Variants in FGF5 observed in about 807,000 individuals in gnomAD.
FGF5 encodes fibroblast growth factor 5.
A neutral mutation model predicts 21.8 loss-of-function variants in FGF5; 23 were observed. That is an observed-to-expected ratio of 1.05 (90% CI 0.76 to 1.49). The LOEUF (loss-of-function observed/expected upper bound fraction) is 1.49. FGF5 is among the 40% of genes most tolerant of loss of function. The pLI is 0.00. For synonymous variants in FGF5, 158 were observed against 124.0 expected (o/e 1.27, Z -1.82); for missense variants, 352 against 332.9 (o/e 1.06, Z -0.45).
At chr4:80,277,931 T>C (rs1010941173) in intron 2 of FGF5, among the ~76,000 whole-genome samples, 1 of 152,140 alleles carries the variant, frequency 6.6e-6, no homozygotes, top group African/African-American at 2.4e-5. Flanking sequence ...TGTACTTTCA[T>C]AGTTCTTTAA....
chr4:80,273,771 C>T (rs1013164929), intron 1 of FGF5, among the ~76,000 whole-genome samples: 3 of 151,896 alleles, frequency 2.0e-5, no homozygotes, highest in Non-Finnish European at 2.9e-5. Context: ...TCTTGAACTC[C>T]TGGTATCAGG....
intron 2 of FGF5, among the ~76,000 whole-genome samples, chr4:80,284,103 G>C (rs1720641508): frequency 6.6e-6 from 1 of 152,178 alleles, no homozygotes; most frequent in Non-Finnish European, 1.5e-5. Context: ...CGTAGACAGG[G>C]TGAAAGGGAT....
intron 2 of FGF5, among the ~76,000 whole-genome samples, chr4:80,276,374 T>C (rs1257435365): frequency 6.6e-6 from 1 of 152,138 alleles, no homozygotes; most frequent in Non-Finnish European, 1.5e-5. Flanking sequence ...TTTGAGCTGG[T>C]TACTATACTC....
intron 2 of FGF5, among the ~76,000 whole-genome samples, chr4:80,285,889 T>C (rs1236745173): frequency 1.3e-5 from 2 of 152,200 alleles, no homozygotes; most frequent in Non-Finnish European, 2.9e-5. Context: ...TTGACCTCAT[T>C]TCTGTGAACA....
intron 1 of FGF5, among the ~76,000 whole-genome samples, chr4:80,273,594 A>T (rs1163750768): frequency 6.6e-6 from 1 of 152,174 alleles, no homozygotes; most frequent in Non-Finnish European, 1.5e-5. Context: ...TATTTGGCAG[A>T]GTCCTATTGA....
At chr4:80,267,223 G>A in intron 1 of FGF5, 44 bp downstream of exon 1, 1 of 1,473,008 alleles carries the variant, frequency 6.8e-7, no homozygotes, top group Non-Finnish European at 9.3e-7. Flanking sequence ...AGGCGGCCGC[G>A]GAAGATTCGG....
upstream of FGF5, chr4:80,266,650 C>T (rs1720094798): frequency 3.3e-6 from 2 of 597,400 alleles, no homozygotes; most frequent in Admixed American, 6.4e-5. Flanking sequence ...ATCCCGGTGC[C>T]AGCGCGGAGA....
At chr4:80,275,098 A>T in intron 2 of FGF5, 86 bp downstream of exon 2, 2 of 554,582 alleles carry the variant, frequency 3.6e-6, no homozygotes, top group Non-Finnish European at 6.2e-6. Context: ...TTCATAGGTA[A>T]GAAAATTTGC....
intron 1 of FGF5, chr4:80,268,372 C>A: frequency 5.9e-6 from 3 of 506,948 alleles, no homozygotes; most frequent in Non-Finnish European, 7.6e-6. Flanking sequence ...CAGGAGACAG[C>A]AGCGCTCACA....
At position 80,266,973 on chromosome 4, in the gene FGF5, G is replaced by T. The variant is rs1422641256; in HGVS notation, c.149G>T (p.Ser50Ile). Residue 50 changes from serine (S) to isoleucine (I), a missense_variant, in exon 1 of 3, where the codon AGC (serine) becomes ATC (isoleucine). By Grantham distance (142) the Ser-to-Ile change is moderately radical. Transcript: ENST00000312465. ...NPRGSSSRQS[S>I]SSAMSSSSAS... is the part of the protein sequence containing the mutation. ...AGAGGCTCCAGCAGCAGACAGAGCA[G>T]CAGTAGCGCTATGTCTTCCTCTTCT... 1 of 1,614,114 alleles carries T rather than the reference G, an allele frequency of 6.2e-7. No homozygotes were observed. Among genetic ancestry groups the T allele is most frequent in the African/African-American group, 1.3e-5 (1 of 74,952 alleles).
chr4:80,279,083 G>C (rs1459470832), intron 2 of FGF5, among the ~76,000 whole-genome samples: 1 of 152,098 alleles, frequency 6.6e-6, no homozygotes, highest in Non-Finnish European at 1.5e-5. Flanking sequence ...AAGTCCCCTA[G>C]AGAGCCTTTC....
rs1013793687 is a variant in FGF5 at position 80,287,219 on chromosome 4, A to T, written c.*547A>T. On this transcript the variant is annotated 3_prime_UTR_variant, in exon 3 of 3. Transcript: ENST00000312465. ...AATGTGTTTATAGCTCATTTGTAAT[A>T]TGGAAATCTTTTACATTTTTCCTAT... The T allele has an allele frequency of 6.6e-6, 1 of 152,192 alleles. No individual in the cohort carries two copies. The highest frequency in any genetic ancestry group is 1.5e-5 in the Non-Finnish European group (1 of 68,024). The allele number at this position is 152,192 out of a possible 1,614,324, so 9.4% of individuals were successfully genotyped here. A position where few individuals can be genotyped will look rare whatever the true frequency, so the allele number is the denominator to read the frequency against.
intron 2 of FGF5, among the ~76,000 whole-genome samples, chr4:80,281,759 A>G (rs1004480465): frequency 9.2e-5 from 14 of 152,206 alleles, no homozygotes; most frequent in Non-Finnish European, 1.3e-4. Context: ...TTTTTAAACA[A>G]TATCATTTTG....
In FGF5 at chr4:80,286,488, C is replaced by A; in HGVS notation, c.623C>A (p.Pro208His). Reference protein sequence around the residue: ...AKRGCSPRVKPQHISTHFLPR... With the variant: ...AKRGCSPRVKHQHISTHFLPR... Reference sequence around the variant, plus strand: ...CGAGGGTGCAGCCCCCGGGTTAAACCCCAGCATATCTCTACCCATTTTCTG... The same window carrying A: ...CGAGGGTGCAGCCCCCGGGTTAAACACCAGCATATCTCTACCCATTTTCTG... Residue 208 changes from proline to histidine, a missense_variant, in exon 3 of 3, where the codon CCC (proline) becomes CAC (histidine). Physicochemically the swap from Pro to His is moderately conservative, Grantham distance 77 (BLOSUM62 -2). Coordinates refer to ENST00000312465, the MANE Select transcript of FGF5 (RefSeq NM_004464.4). The A allele has an allele frequency of 6.2e-7, 1 of 1,613,964 alleles. No homozygotes were observed. Among genetic ancestry groups the A allele is most frequent in the African/African-American group, 1.3e-5 (1 of 74,984 alleles).
rs1372924432 is a variant in FGF5 at position 80,290,606 on chromosome 4, C to A, written c.*3934C>A. ...ACAATGCACATGTCTGTCACACATG[C>A]ACACATGTGCCATGCTGGTGTGCTG... On this transcript the variant is annotated 3_prime_UTR_variant, in exon 3 of 3. Coordinates refer to ENST00000312465, the MANE Select transcript of FGF5 (RefSeq NM_004464.4). 3 of 151,992 alleles carry A rather than the reference C, an allele frequency of 2.0e-5. No individual in the cohort carries two copies. Among genetic ancestry groups the A allele is most frequent in the Admixed American group, 6.6e-5 (1 of 15,252 alleles). The allele number at this position is 151,992 out of a possible 1,614,324, so 9.4% of individuals were successfully genotyped here.
intron 2 of FGF5, among the ~76,000 whole-genome samples, chr4:80,277,434 T>C (rs1720444634): frequency 6.6e-6 from 1 of 152,176 alleles, no homozygotes; most frequent in Non-Finnish European, 1.5e-5. Context: ...ACTTTTCCTC[T>C]AGGTGTAAAC....
At chr4:80,283,823 A>T (rs1720636200) in intron 2 of FGF5, among the ~76,000 whole-genome samples, 1 of 152,146 alleles carries the variant, frequency 6.6e-6, no homozygotes. Context: ...ACTCTTTTTA[A>T]TGAAATGTTT....
At chr4:80,285,140 T>C (rs1251423699) in intron 2 of FGF5, among the ~76,000 whole-genome samples, 1 of 152,168 alleles carries the variant, frequency 6.6e-6, no homozygotes, top group Non-Finnish European at 1.5e-5. Flanking sequence ...AGAGCTTAAT[T>C]GGCAGAACTG....
chr4:80,268,126 C>T (rs1720151214), intron 1 of FGF5: 1 of 152,220 alleles, frequency 6.6e-6, no homozygotes, highest in African/African-American at 2.4e-5. Context: ...TTTCTCATCT[C>T]CTCTTCCCTT....
Sources: gnomAD v4.1 joint callset for allele counts (sites outside exome capture counted in the v4.1 genomes callset) on GRCh38, gnomAD v4.1.1 for gene constraint, MANE v1.5 for transcripts, NCBI Gene and HGNC (gene_info 2026-07-23, HGNC 2026-07-21) for gene names.